Variants in PCDH11X observed in about 807,000 individuals in gnomAD.
PCDH11X encodes the protein protocadherin-11 X-linked.
Under a neutral mutation model 53.3 loss-of-function variants are expected in PCDH11X, and 18 were observed. The ratio of observed to expected loss-of-function variants is 0.34; its 90% confidence interval spans 0.23 to 0.50. PCDH11X has a LOEUF of 0.50. Ranked by LOEUF, PCDH11X falls within the 20% of genes least tolerant of loss-of-function variation. The probability of loss-of-function intolerance (pLI) is 0.98; values close to 1 mark genes in which losing one functional copy is unlikely to be tolerated. For missense variants in PCDH11X, 570 were observed against 1,032.4 expected, an observed-to-expected ratio of 0.55 and a Z score of 6.14; for synonymous variants, 279 against 393.3, an observed-to-expected ratio of 0.71 and a Z score of 3.44.
intron 10 of PCDH11X, among the ~76,000 whole-genome samples, chrX:92,519,397 T>C (rs929410655): frequency 3.9e-4 from 43 of 109,109 alleles, no homozygotes; most frequent in African/African-American, 1.3e-3. Context: ...CCATCTTATA[T>C]GTGCTTTATC....
At chrX:92,274,984 T>C (rs1187064744) in intron 8 of PCDH11X, among the ~76,000 whole-genome samples, 3 of 109,530 alleles carry the variant, frequency 2.7e-5, no homozygotes, top group African/African-American at 6.7e-5. Context: ...CAATGGTAAT[T>C]GTGGGACTTA....
chrX:92,225,050 C>A (rs1179735228), intron 7 of PCDH11X, among the ~76,000 whole-genome samples: 1 of 111,186 alleles, frequency 9.0e-6, no homozygotes, highest in Non-Finnish European at 1.9e-5. Flanking sequence ...GGTATTTTTT[C>A]TATTGCAACA....
intron 9 of PCDH11X, among the ~76,000 whole-genome samples, chrX:92,420,038 A>G (rs1317409897): frequency 7.2e-5 from 8 of 110,559 alleles, no homozygotes; most frequent in Non-Finnish European, 1.3e-4. Flanking sequence ...CCACTTTAAT[A>G]TATCTGTTGA....
intron 6 of PCDH11X, among the ~76,000 whole-genome samples, chrX:92,197,679 C>A (rs988038047): frequency 1.8e-5 from 2 of 111,587 alleles, no homozygotes; most frequent in East Asian, 2.8e-4. Flanking sequence ...TTTGAGGAGA[C>A]CTTTTTGGCC....
chrX:91,808,591 A>G (rs1382830493), intron 1 of PCDH11X, among the ~76,000 whole-genome samples: 1 of 111,219 alleles, frequency 9.0e-6, no homozygotes, highest in Non-Finnish European at 1.9e-5. Flanking sequence ...AGCTATCCAC[A>G]TCACATTATG....
chrX:92,538,737 T>C (rs2148734703), intron 10 of PCDH11X, among the ~76,000 whole-genome samples: 1 of 100,387 alleles, frequency 1.0e-5, no homozygotes, highest in South Asian at 5.1e-4. Context: ...CTGTCTATGT[T>C]TTGAAAAGTG....
At chrX:91,893,033 G>A (rs1371986173) in intron 6 of PCDH11X, among the ~76,000 whole-genome samples, 1 of 109,080 alleles carries the variant, frequency 9.2e-6, no homozygotes, top group Non-Finnish European at 1.9e-5. Flanking sequence ...AAACAAGTCG[G>A]CATGCTATCA....
intron 8 of PCDH11X, among the ~76,000 whole-genome samples, chrX:92,385,843 A>G (rs1355600400): frequency 2.7e-5 from 3 of 110,595 alleles, no homozygotes; most frequent in Non-Finnish European, 5.7e-5. Flanking sequence ...AACAAAACAA[A>G]CAACAGCAAA....
intron 10 of PCDH11X, among the ~76,000 whole-genome samples, chrX:92,529,040 C>A (rs146890838): frequency 0.016 from 1,741 of 111,326 alleles, 39 homozygotes; most frequent in African/African-American, 0.054. Context: ...GGGTAGAATG[C>A]TTTAATGCAC....
chrX:91,877,409 C>T lies in PCDH11X; in HGVS notation c.1169C>T (p.Ala390Val), dbSNP rs746832737. Residue 390 changes from alanine to valine, a missense_variant, in exon 6 of 11, where the codon GCG (alanine) becomes GTG (valine). Coordinates refer to ENST00000682573, the MANE Select transcript of PCDH11X (RefSeq NM_032968.5). The stretch of plus-strand genomic sequence containing the variant: ...CTCATAACTGTGACGGATAAGGATG[C>T]GGACCATAATGGCAGGGTGACATGC... Reference protein sequence around the residue: ...IALITVTDKDADHNGRVTCFT... With the variant: ...IALITVTDKDVDHNGRVTCFT... The T allele has an allele frequency of 9.1e-6, 11 of 1,206,031 alleles. No homozygotes were observed. Among genetic ancestry groups the T allele is most frequent in the Non-Finnish European group, 1.2e-5 (11 of 894,262 alleles).
chrX:92,143,786 A>C (rs1278823723), intron 6 of PCDH11X, among the ~76,000 whole-genome samples: 1 of 111,166 alleles, frequency 9.0e-6, no homozygotes, highest in Non-Finnish European at 1.9e-5. Context: ...TGTCCTCCAG[A>C]CTCCAGAATG....
intron 6 of PCDH11X, among the ~76,000 whole-genome samples, chrX:92,067,340 A>G (rs1465568068): frequency 2.7e-5 from 3 of 109,747 alleles, no homozygotes; most frequent in Admixed American, 2.0e-4. Flanking sequence ...CGTTCCTTCT[A>G]TACCTAGTTT....
intron 6 of PCDH11X, among the ~76,000 whole-genome samples, chrX:91,936,237 G>A (rs1296581650): frequency 1.8e-5 from 2 of 109,137 alleles, no homozygotes; most frequent in African/African-American, 3.4e-5. Flanking sequence ...GAGGGGGTGC[G>A]ATGTTTCAGC....
chrX:91,990,007 A>AT (rs1254145049), intron 6 of PCDH11X, among the ~76,000 whole-genome samples: 24 of 110,602 alleles, frequency 2.2e-4, no homozygotes, highest in African/African-American at 7.6e-4. Flanking sequence ...ATTAAATATG[A>AT]TTTTTTTCAA....
intron 6 of PCDH11X, among the ~76,000 whole-genome samples, chrX:92,183,248 C>CTTTTT (rs60978254): frequency 1.7e-4 from 9 of 52,285 alleles, no homozygotes; most frequent in Non-Finnish European, 2.4e-4. Flanking sequence ...CTAGAGAAAC[C>CTTTTT]TTTTTTTTTT....
At chrX:92,580,155 G>T (rs777089106) in intron 10 of PCDH11X, among the ~76,000 whole-genome samples, 1 of 101,670 alleles carries the variant, frequency 9.8e-6, no homozygotes, top group East Asian at 2.9e-4. Context: ...ACTTATGCCA[G>T]CTAGAATGCT....
At chrX:92,490,744 GAGAGAAAGAAAGAA>G (rs1475212501) in intron 10 of PCDH11X, among the ~76,000 whole-genome samples, 4 of 98,806 alleles carry the variant, frequency 4.0e-5, no homozygotes, top group Admixed American at 1.2e-4. Context: ...AAGAGAGAAA[GAGAGAAAGAAAGAA>G]AGAGAAAGAA....
At chrX:91,781,842 T>C (rs1443336655) in intron 1 of PCDH11X, among the ~76,000 whole-genome samples, 1 of 112,491 alleles carries the variant, frequency 8.9e-6, no homozygotes, top group African/African-American at 3.2e-5. Context: ...ATGGATGCGC[T>C]AAGGTCTAAA....
intron 10 of PCDH11X, among the ~76,000 whole-genome samples, chrX:92,573,161 C>T (rs1376087505): frequency 3.6e-5 from 4 of 111,214 alleles, no homozygotes; most frequent in Non-Finnish European, 7.5e-5. Flanking sequence ...GGTTCTAGGC[C>T]TGCCTTTGCC....
Sources: gnomAD v4.1 joint callset for allele counts (sites outside exome capture counted in the v4.1 genomes callset) on GRCh38, gnomAD v4.1.1 for gene constraint, MANE v1.5 for transcripts, NCBI Gene and HGNC (gene_info 2026-07-23, HGNC 2026-07-21) for gene names.